OSBPL1A: variants seen among roughly 807,000 people sequenced by gnomAD.
OSBPL1A encodes oxysterol-binding protein-related protein 1.
A neutral mutation model predicts 137.1 loss-of-function variants in OSBPL1A; 80 were observed. The ratio of observed to expected loss-of-function variants is 0.58; its 90% CI spans 0.49 to 0.70. The LOEUF is 0.70. Among genes scored for constraint, OSBPL1A ranks in the 30% least tolerant of loss-of-function variants. The pLI is 0.00. For synonymous variants in OSBPL1A, 365 were observed against 389.7 expected (o/e 0.94, Z 0.75); for missense variants, 970 against 1,129.4 (o/e 0.86, Z 2.02).
At position 24,368,273 on chromosome 18, in the gene OSBPL1A, A is replaced by C. The variant is rs777764455; in HGVS notation, c.207+14T>G. The C allele has an allele frequency of 6.3e-7, 1 of 1,576,294 alleles. No individual in the cohort carries two copies. Among genetic ancestry groups the C allele is most frequent in the East Asian group, 2.2e-5 (1 of 44,654 alleles). On this transcript the variant is annotated intron_variant, in intron 3 of 27. Coordinates refer to ENST00000319481, the MANE Select transcript of OSBPL1A (RefSeq NM_080597.4). Reference sequence around the variant, plus strand: ...ATTTACTGTAGTCATTAAAAATTAAAGTCATAAATAGACCTTCAACAGATC... The same window carrying C: ...ATTTACTGTAGTCATTAAAAATTAACGTCATAAATAGACCTTCAACAGATC...
intron 4 of OSBPL1A, among the ~76,000 whole-genome samples, chr18:24,353,474 T>G (rs1353673531): frequency 1.3e-5 from 2 of 152,076 alleles, no homozygotes; most frequent in East Asian, 1.9e-4. Context: ...TTGGTGGGAC[T>G]GTAAACTAGT....
At chr18:24,350,529 T>C (rs1280003309) in intron 4 of OSBPL1A, among the ~76,000 whole-genome samples, 1 of 152,108 alleles carries the variant, frequency 6.6e-6, no homozygotes, top group African/African-American at 2.4e-5. Context: ...TGGCCTAAAG[T>C]GGTCCTCCCT....
At chr18:24,237,744 C>T (rs2088538388) in intron 16 of OSBPL1A, among the ~76,000 whole-genome samples, 2 of 152,176 alleles carry the variant, frequency 1.3e-5, no homozygotes, top group African/African-American at 4.8e-5. Context: ...ATAGAAGAAG[C>T]GCCACTGGAC....
At chr18:24,315,368 A>C (rs1411195773) in intron 11 of OSBPL1A, among the ~76,000 whole-genome samples, 4 of 152,016 alleles carry the variant, frequency 2.6e-5, no homozygotes, top group Admixed American at 1.3e-4. Flanking sequence ...TCTCTGACTC[A>C]TGAGCCACAC....
At chr18:24,341,441 A>G in intron 5 of OSBPL1A, 106 bp downstream of exon 5, 2 of 711,328 alleles carry the variant, frequency 2.8e-6, no homozygotes, top group Non-Finnish European at 4.9e-6. Flanking sequence ...TTAGAGCATC[A>G]GCTGGTTATC....
At chr18:24,296,860 A>G (rs1365301941) in intron 14 of OSBPL1A, among the ~76,000 whole-genome samples, 3 of 152,156 alleles carry the variant, frequency 2.0e-5, no homozygotes, top group African/African-American at 7.2e-5. Context: ...CCACCTGATC[A>G]TGGTGTATTA....
chr18:24,390,885 A>C (rs1397703791), intron 1 of OSBPL1A, among the ~76,000 whole-genome samples: 2 of 151,740 alleles, frequency 1.3e-5, no homozygotes, highest in Non-Finnish European at 2.9e-5. Flanking sequence ...GGATCACCTA[A>C]GGTCAGGAGC....
intron 15 of OSBPL1A, chr18:24,272,226 GC>G: frequency 4.1e-6 from 4 of 983,686 alleles, no homozygotes; most frequent in Non-Finnish European, 4.8e-6. Flanking sequence ...GGAGACACCG[GC>G]CCTGGCAACT....
Position 24,318,656 on chromosome 18 carries a change from C to T in OSBPL1A, c.688-11G>A, listed in dbSNP as rs780566350. The T allele has an allele frequency of 9.3e-6, 15 of 1,608,708 alleles. No individual in the cohort carries two copies. The highest frequency in any genetic ancestry group is 1.7e-5 in the Admixed American group (1 of 59,622). On this transcript the variant is annotated splice_polypyrimidine_tract_variant and intron_variant, in intron 8 of 27. Transcript: ENST00000319481. Reference sequence around the variant, plus strand: ...TGCTTTGTAGATGACCTGTCAAAAACATGTTTTCATGAAAAATGCATCTAC... The same window carrying T: ...TGCTTTGTAGATGACCTGTCAAAAATATGTTTTCATGAAAAATGCATCTAC...
At chr18:24,368,815 A>G (rs1905379210) in intron 2 of OSBPL1A, among the ~76,000 whole-genome samples, 1 of 152,212 alleles carries the variant, frequency 6.6e-6, no homozygotes, top group Non-Finnish European at 1.5e-5. Context: ...CCTGTACCAC[A>G]TCAAGAGTCA....
chr18:24,267,252 AAGAAAT>A (rs1299541544), intron 15 of OSBPL1A, among the ~76,000 whole-genome samples: 3 of 151,888 alleles, frequency 2.0e-5, no homozygotes, highest in Non-Finnish European at 4.4e-5. Flanking sequence ...CTGACCCAAA[AAGAAAT>A]AGAAAACTAA....
intron 14 of OSBPL1A, among the ~76,000 whole-genome samples, chr18:24,290,752 C>G (rs1237375636): frequency 6.6e-6 from 1 of 152,100 alleles, no homozygotes; most frequent in Non-Finnish European, 1.5e-5. Flanking sequence ...TGAGGCTTTA[C>G]AGCTACATGA....
chr18:24,196,659 T>C (rs1031581431), intron 17 of OSBPL1A, among the ~76,000 whole-genome samples: 12 of 152,052 alleles, frequency 7.9e-5, no homozygotes, highest in African/African-American at 2.9e-4. Flanking sequence ...AAATGGAAAA[T>C]AGAAAACTTT....
At chr18:24,176,703 T>C (rs1362621097) in intron 21 of OSBPL1A, among the ~76,000 whole-genome samples, 2 of 152,162 alleles carry the variant, frequency 1.3e-5, no homozygotes, top group Non-Finnish European at 2.9e-5. Flanking sequence ...CATTCCAGTG[T>C]CAGTTTAATT....
At chr18:24,198,187 T>C (rs2087095551) in intron 17 of OSBPL1A, among the ~76,000 whole-genome samples, 1 of 152,210 alleles carries the variant, frequency 6.6e-6, no homozygotes, top group African/African-American at 2.4e-5. Flanking sequence ...ATGAGGGCTG[T>C]CATTCACCCC....
At chr18:24,315,270 G>A (rs1478125567) in intron 11 of OSBPL1A, among the ~76,000 whole-genome samples, 2 of 152,174 alleles carry the variant, frequency 1.3e-5, no homozygotes, top group South Asian at 4.1e-4. Context: ...AAGCAAACCT[G>A]GGAACCCATA....
chr18:24,341,995 C>T (rs917761370), intron 4 of OSBPL1A, among the ~76,000 whole-genome samples: 8 of 152,202 alleles, frequency 5.3e-5, no homozygotes, highest in African/African-American at 1.9e-4. Context: ...GAAGTACATT[C>T]ACTGAAGATC....
chr18:24,239,463 C>T, intron 15 of OSBPL1A, 81 bp from the exon 16 acceptor site: 8 of 1,315,890 alleles, frequency 6.1e-6, no homozygotes, highest in South Asian at 4.1e-5. Flanking sequence ...AAATTAATTG[C>T]TTTTGATCCA....
intron 1 of OSBPL1A, among the ~76,000 whole-genome samples, chr18:24,382,035 C>T (rs1906621446): frequency 6.6e-6 from 1 of 151,416 alleles, no homozygotes; most frequent in African/African-American, 2.4e-5. Context: ...ACTATGAAAC[C>T]ATTAAAAATA....
Sources: gnomAD v4.1 joint callset for allele counts (sites outside exome capture counted in the v4.1 genomes callset) on GRCh38, gnomAD v4.1.1 for gene constraint, MANE v1.5 for transcripts, NCBI Gene and HGNC (gene_info 2026-07-23, HGNC 2026-07-21) for gene names.